Variants in RPA1 observed in about 807,000 individuals in gnomAD.
RPA1 encodes replication protein A 70 kDa DNA-binding subunit.
Under a neutral mutation model 83.0 loss-of-function variants are expected in RPA1, and 49 were observed. That is an observed-to-expected ratio of 0.59 (90% confidence interval 0.47 to 0.75). RPA1 has a LOEUF of 0.75. Ranked by LOEUF, RPA1 falls within the 30% of genes least tolerant of loss-of-function variation. The pLI, the probability that RPA1 is intolerant of heterozygous loss-of-function variation, is 0.00. For synonymous variants in RPA1, 279 were observed against 281.8 expected, an observed-to-expected ratio of 0.99 and a Z score of 0.10; for missense variants, 693 against 776.1, an observed-to-expected ratio of 0.89 and a Z score of 1.27.
rs748319843 is a variant in RPA1 at position 1,898,367 on chromosome 17, G to C, written c.*1192G>C. Reference sequence around the variant, plus strand: ...ACGCTTTGAAATGTGTACAGACAGTGAGCTGGTAAGAAAACAGTAATTATG... The same window carrying C: ...ACGCTTTGAAATGTGTACAGACAGTCAGCTGGTAAGAAAACAGTAATTATG... On this transcript the variant is annotated 3_prime_UTR_variant, in exon 17 of 17. Coordinates refer to ENST00000254719, the MANE Select transcript of RPA1 (RefSeq NM_002945.5). 6.6e-6 allele frequency: 1 copy of C among 152,250 alleles called. No individual in the cohort carries two copies. Among genetic ancestry groups the C allele is most frequent in the Non-Finnish European group, 1.5e-5 (1 of 68,050 alleles). 9.4% of individuals were successfully genotyped at this position (152,250 alleles called of 1,614,324 possible).
chr17:1,856,524 G>T (rs993876058), intron 5 of RPA1, among the ~76,000 whole-genome samples: 1 of 152,014 alleles, frequency 6.6e-6, no homozygotes, highest in Admixed American at 6.6e-5. Flanking sequence ...ACTTGAACCC[G>T]GGAGGCGAAG....
intron 12 of RPA1, among the ~76,000 whole-genome samples, chr17:1,880,974 T>A (rs990336825): frequency 6.6e-6 from 1 of 152,336 alleles, no homozygotes; most frequent in East Asian, 1.9e-4. Flanking sequence ...CGGCCAGGCT[T>A]CAGCAGCGGT....
At chr17:1,857,271 T>TC (rs1912735707) in intron 5 of RPA1, among the ~76,000 whole-genome samples, 1 of 151,078 alleles carries the variant, frequency 6.6e-6, no homozygotes, top group African/African-American at 2.4e-5. Context: ...CTTTTTCTTT[T>TC]TTTTTTTTCA....
In RPA1 at chr17:1,899,176, C is replaced by G. The variant is rs570593255; in HGVS notation, c.*2001C>G. 1 of 153,028 alleles carries G rather than the reference C, an allele frequency of 6.5e-6. No individual in the cohort carries two copies. The highest frequency in any genetic ancestry group is 6.5e-5 in the Admixed American group (1 of 15,306). 9.5% of individuals were successfully genotyped at this position (153,028 alleles called of 1,614,324 possible). ...GCTCCCTCGAGGAGGCTGTTTCTAA[C>G]AGATTTCCCCACTCAAAGATCAGAT... On this transcript the variant is annotated 3_prime_UTR_variant, in exon 17 of 17. Coordinates refer to ENST00000254719, the MANE Select transcript of RPA1 (RefSeq NM_002945.5).
At chr17:1,875,572 C>A in intron 6 of RPA1, 89 bp from the exon 7 acceptor site, 1 of 1,428,486 alleles carries the variant, frequency 7.0e-7, no homozygotes, top group East Asian at 2.4e-5. Flanking sequence ...CTAGTGGCAC[C>A]TCCAAAATTT....
chr17:1,867,245 G>A (rs560403628), intron 5 of RPA1, among the ~76,000 whole-genome samples: 5 of 152,232 alleles, frequency 3.3e-5, no homozygotes, highest in African/African-American at 1.2e-4. Flanking sequence ...ACAAAGCAAT[G>A]CTTAGCATTT....
chr17:1,847,007 A>T (rs1597425062), intron 4 of RPA1, among the ~76,000 whole-genome samples: 1 of 152,000 alleles, frequency 6.6e-6, no homozygotes, highest in South Asian at 2.1e-4. Flanking sequence ...AATTTGTTGG[A>T]TTCATATAGT....
At chr17:1,840,350 G>A (rs1289898982) in intron 1 of RPA1, among the ~76,000 whole-genome samples, 1 of 151,238 alleles carries the variant, frequency 6.6e-6, no homozygotes, top group African/African-American at 2.4e-5. Context: ...GCAGTGGCGC[G>A]ATCTCAGCTC....
At chr17:1,869,525 C>T (rs1913303530) in intron 5 of RPA1, among the ~76,000 whole-genome samples, 1 of 133,408 alleles carries the variant, frequency 7.5e-6, no homozygotes, top group African/African-American at 2.8e-5. Flanking sequence ...GTAACAAGAG[C>T]GAGACTACGT....
intron 5 of RPA1, among the ~76,000 whole-genome samples, chr17:1,867,685 T>G (rs1815561177): frequency 6.6e-6 from 1 of 151,604 alleles, no homozygotes; most frequent in Non-Finnish European, 1.5e-5. Flanking sequence ...CACTCCAGCC[T>G]GGGTGACAGA....
rs1473224903 is a variant in RPA1, at chr17:1,897,147, T to C, written c.1823T>C (p.Met608Thr). The change falls in exon 17 of 17, where the codon ATG becomes ACG. Residue 608 changes from methionine to threonine, a missense_variant. Physicochemically the swap from Met to Thr is moderately conservative, Grantham distance 81. Coordinates refer to ENST00000254719, the MANE Select transcript of RPA1 (RefSeq NM_002945.5). ...AGAGAGTATGGCCGAAGGCTGGTCA[T>C]GAGCATCAGGAGAAGTGCATTGATG... Reference protein sequence around the residue: ...DYREYGRRLVMSIRRSALM With the variant: ...DYREYGRRLVTSIRRSALM The C allele has an allele frequency of 6.4e-7, 1 of 1,561,436 alleles. No individual in the cohort carries two copies. The highest frequency in any genetic ancestry group is 1.9e-5 in the Admixed American group (1 of 52,024).
At position 1,879,335 on chromosome 17, in the gene RPA1, C is replaced by T. The variant is rs747165608; in HGVS notation, c.880C>T (p.His294Tyr). The change falls in exon 10 of 17, where the codon CAT becomes TAT. Residue 294 changes from histidine to tyrosine, a missense_variant. His to Tyr is a moderately conservative substitution (Grantham distance 83). Transcript: ENST00000254719. ...TSVMPCEDDH[H>Y]LPTVQFDFTG... ...CGTCATGCCCTGTGAGGACGACCAT[C>T]ATTTACCTACGGTTCAGTTTGATTT... The T allele has an allele frequency of 6.2e-6, 10 of 1,614,076 alleles. No individual in the cohort carries two copies. Among genetic ancestry groups the T allele is most frequent in the Non-Finnish European group, 8.5e-6 (10 of 1,180,054 alleles).
In RPA1 at chr17:1,879,404, G is replaced by A. The variant is rs1484038739; in HGVS notation, c.949G>A (p.Val317Ile). The A allele has an allele frequency of 6.2e-7, 1 of 1,613,972 alleles. No homozygotes were observed. The highest frequency in any genetic ancestry group is 8.5e-7 in the Non-Finnish European group (1 of 1,179,866). The change falls in exon 10 of 17, where the codon GTA becomes ATA. Residue 317 changes from valine to isoleucine, a missense_variant. Physicochemically the swap from Val to Ile is conservative, Grantham distance 29. Transcript: ENST00000254719. Reference sequence around the variant, plus strand: ...CGAGAACAAGTCGAAAGACTCACTTGTAGGTAAGCTCGTGTATGAGAAGGA... The same window carrying A: ...CGAGAACAAGTCGAAAGACTCACTTATAGGTAAGCTCGTGTATGAGAAGGA... ...DLENKSKDSLVDIIGICKSYE... is the reference protein window; with the variant it reads ...DLENKSKDSLIDIIGICKSYE...
chr17:1,840,134 CGTTT>C (rs759706517), intron 1 of RPA1, among the ~76,000 whole-genome samples: 28 of 151,830 alleles, frequency 1.8e-4, no homozygotes, highest in South Asian at 1.7e-3. Context: ...TGAAAACAGA[CGTTT>C]GTTTGTTTGT....
chr17:1,874,002 A>AG (rs1913477513), intron 6 of RPA1, among the ~76,000 whole-genome samples: 1 of 99,358 alleles, frequency 1.0e-5, no homozygotes, highest in African/African-American at 5.0e-5. Flanking sequence ...CAAAAAAAAA[A>AG]AAAAAAAAAA....
At chr17:1,864,942 C>T (rs1192200299) in intron 5 of RPA1, among the ~76,000 whole-genome samples, 3 of 152,122 alleles carry the variant, frequency 2.0e-5, no homozygotes, top group Non-Finnish European at 2.9e-5. Context: ...TGGTGGTTCA[C>T]GCTCCCAGCT....
chr17:1,843,856 C>G (rs950256167), intron 2 of RPA1, 64 bp from the exon 3 acceptor site: 3 of 1,355,626 alleles, frequency 2.2e-6, no homozygotes, highest in Non-Finnish European at 3.1e-6. Flanking sequence ...CCTGCCACTT[C>G]GGTTTACGTA....
intron 4 of RPA1, 31 bp downstream of exon 4, chr17:1,844,717 T>C (rs773143472): frequency 3.5e-5 from 54 of 1,527,312 alleles, no homozygotes; most frequent in Admixed American, 1.7e-4. Context: ...TGTCTTATTG[T>C]ATCGTAGAAT....
At position 1,877,199 on chromosome 17, in the gene RPA1, A is replaced by G; in HGVS notation, c.588-13A>G. On this transcript the variant is annotated splice_polypyrimidine_tract_variant and intron_variant, in intron 7 of 16. Transcript: ENST00000254719. Reference sequence around the variant, plus strand: ...AAGACCCCATACACTAATATGATCGATTTGGTTTGTAGGTGGACCATTTGT... The same window carrying G: ...AAGACCCCATACACTAATATGATCGGTTTGGTTTGTAGGTGGACCATTTGT... 2 of 1,613,122 alleles carry G rather than the reference A, an allele frequency of 1.2e-6. No homozygotes were observed. Among genetic ancestry groups the G allele is most frequent in the South Asian group, 2.2e-5 (2 of 91,068 alleles).
Sources: allele counts gnomAD v4.1 joint callset (sites outside exome capture counted in the v4.1 genomes callset), GRCh38; gene constraint gnomAD v4.1.1; transcripts MANE v1.5; gene names NCBI Gene and HGNC (gene_info 2026-07-23, HGNC 2026-07-21).